Variants in ANKRD11 observed in about 807,000 individuals in gnomAD.
The protein encoded by ANKRD11 is ankyrin repeat domain-containing protein 11.
A neutral mutation model predicts 195.7 loss-of-function variants in ANKRD11; 17 were observed. The observed-to-expected ratio is 0.09, with a 90% confidence interval of 0.06 to 0.13. The LOEUF (loss-of-function observed/expected upper bound fraction) is 0.13. Among genes scored for constraint, ANKRD11 ranks in the 10% least tolerant of loss-of-function variants. The probability of loss-of-function intolerance (pLI) is 1.00; values close to 1 mark genes in which losing one functional copy is unlikely to be tolerated. For missense variants in ANKRD11, 3,735 were observed against 3,566.1 expected (o/e 1.05, Z -1.21); for synonymous variants, 1,953 against 1,528.1 (o/e 1.28, Z -6.49).
intron 2 of ANKRD11, among the ~76,000 whole-genome samples, chr16:89,317,757 T>G (rs2037053588): frequency 6.6e-6 from 1 of 152,132 alleles, no homozygotes; most frequent in Non-Finnish European, 1.5e-5. Context: ...AATTGTATAT[T>G]ATTTTTATTT....
At chr16:89,299,832 GTGCCCTGTGTGGGGTGCC>G (rs1383038176) in intron 4 of ANKRD11, 3 of 190,832 alleles carry the variant, frequency 1.6e-5, no homozygotes, top group South Asian at 4.8e-5. Flanking sequence ...CGTGGGGTCT[GTGCCCTGTGTGGGGTGCC>G]TGCCCTGTGT....
At chr16:89,374,445 C>A (rs989009174) in intron 2 of ANKRD11, among the ~76,000 whole-genome samples, 4 of 152,148 alleles carry the variant, frequency 2.6e-5, no homozygotes, top group African/African-American at 9.7e-5. Flanking sequence ...ACTGTACATC[C>A]AGAAAAGCCT....
At chr16:89,416,186 A>G (rs1394920230) in intron 2 of ANKRD11, among the ~76,000 whole-genome samples, 1 of 152,136 alleles carries the variant, frequency 6.6e-6, no homozygotes, top group Non-Finnish European at 1.5e-5. Flanking sequence ...CAGTACATCT[A>G]TTGTTCTCAA....
At chr16:89,468,243 T>C (rs1312676949) in intron 1 of ANKRD11, among the ~76,000 whole-genome samples, 1 of 152,252 alleles carries the variant, frequency 6.6e-6, no homozygotes, top group Non-Finnish European at 1.5e-5. Context: ...TAAGAGGATT[T>C]GGGTTTAAGT....
chr16:89,489,659 G>A (rs1029923615), intron 1 of ANKRD11, among the ~76,000 whole-genome samples: 4 of 151,938 alleles, frequency 2.6e-5, no homozygotes, highest in African/African-American at 2.4e-5. Flanking sequence ...CCCCAGCTCC[G>A]CAGAACCCGG....
intron 1 of ANKRD11, among the ~76,000 whole-genome samples, chr16:89,444,967 CCA>C (rs1443018336): frequency 6.6e-6 from 1 of 152,122 alleles, no homozygotes; most frequent in African/African-American, 2.4e-5. Flanking sequence ...AGGCTCCCAC[CCA>C]GACAGTGGCA....
intron 1 of ANKRD11, among the ~76,000 whole-genome samples, chr16:89,455,782 G>C (rs958022295): frequency 8.5e-5 from 13 of 152,258 alleles, no homozygotes; most frequent in African/African-American, 3.1e-4. Flanking sequence ...TATCTGGTAG[G>C]AATGTAAAAT....
At chr16:89,468,262 T>C (rs917122338) in intron 1 of ANKRD11, among the ~76,000 whole-genome samples, 3 of 152,350 alleles carry the variant, frequency 2.0e-5, no homozygotes, top group Admixed American at 6.5e-5. Context: ...GTTGTTGTAG[T>C]AGCTATGCCA....
chr16:89,326,378 G>GC (rs563979233), intron 2 of ANKRD11, among the ~76,000 whole-genome samples: 36 of 151,192 alleles, frequency 2.4e-4, no homozygotes, highest in Middle Eastern at 3.4e-3. Flanking sequence ...CGCAGCCACC[G>GC]CCCCCCCCAC....
At chr16:89,465,088 A>G (rs1254211851) in intron 1 of ANKRD11, among the ~76,000 whole-genome samples, 6 of 152,252 alleles carry the variant, frequency 3.9e-5, no homozygotes, top group Admixed American at 3.9e-4. Context: ...AATAGTTGTA[A>G]CTGGAAAACA....
At chr16:89,305,694 T>TA (rs2036162025) in intron 3 of ANKRD11, among the ~76,000 whole-genome samples, 1 of 85,972 alleles carries the variant, frequency 1.2e-5, no homozygotes, top group African/African-American at 5.0e-5. Flanking sequence ...ACGCGCCACC[T>TA]CCCACTCCGC....
chr16:89,401,313 G>A (rs898860962), intron 2 of ANKRD11, among the ~76,000 whole-genome samples: 1 of 151,984 alleles, frequency 6.6e-6, no homozygotes, highest in Admixed American at 6.6e-5. Flanking sequence ...TCCTGACCTC[G>A]TGATCCACCC....
intron 4 of ANKRD11, among the ~76,000 whole-genome samples, chr16:89,297,073 C>T (rs2035485125): frequency 6.6e-6 from 1 of 152,204 alleles, no homozygotes; most frequent in Admixed American, 6.5e-5. Context: ...AGGTCTGAAG[C>T]TGGGCTCCAA....
At chr16:89,452,131 G>A (rs373121503) in intron 1 of ANKRD11, among the ~76,000 whole-genome samples, 3 of 152,064 alleles carry the variant, frequency 2.0e-5, no homozygotes, top group East Asian at 3.9e-4. Flanking sequence ...GGTGGCACAC[G>A]CCTATAATCC....
At chr16:89,288,926 C>T (rs1281184847) in intron 6 of ANKRD11, 5 of 585,342 alleles carry the variant, frequency 8.5e-6, no homozygotes, top group African/African-American at 3.7e-5. Context: ...GGCTAATCTG[C>T]GGCAATCACC....
chr16:89,282,393 G>A lies in ANKRD11; in HGVS notation c.4149C>T (p.Gly1383=), dbSNP rs146025366. The change falls in exon 9 of 13, where the codon GGC becomes GGT. Residue 1383 remains glycine, a synonymous_variant. Coordinates refer to ENST00000301030, the MANE Select transcript of ANKRD11 (RefSeq NM_013275.6). ...KKEKGEDYKE[G]GSRKDSGQYE... ...ACTGGCCGGAGTCCTTCCTGCTACC[G>A]CCCTCCTTGTAATCTTCGCCCTTCT... 4,416 of 1,614,078 alleles carry A rather than the reference G, an allele frequency of 2.7e-3. 18 individuals are homozygous for A. The highest frequency in any genetic ancestry group is 3.3e-3 in the Non-Finnish European group (3,892 of 1,180,010).
At chr16:89,450,813 A>T (rs1458507155) in intron 1 of ANKRD11, among the ~76,000 whole-genome samples, 1 of 151,990 alleles carries the variant, frequency 6.6e-6, no homozygotes, top group African/African-American at 2.4e-5. Context: ...GACATTCTAA[A>T]TTCTATTTTG....
intron 2 of ANKRD11, among the ~76,000 whole-genome samples, chr16:89,318,671 A>G (rs1003853005): frequency 6.6e-6 from 1 of 152,218 alleles, no homozygotes; most frequent in African/African-American, 2.4e-5. Flanking sequence ...TGAGACCACA[A>G]GATGCTTCTC....
chr16:89,346,306 G>C (rs1348099480), intron 2 of ANKRD11, among the ~76,000 whole-genome samples: 2 of 150,386 alleles, frequency 1.3e-5, no homozygotes, highest in African/African-American at 4.9e-5. Context: ...CCTCAGCCAC[G>C]GAGCAGATAT....
Sources: gnomAD v4.1 joint callset for allele counts (sites outside exome capture counted in the v4.1 genomes callset) on GRCh38, gnomAD v4.1.1 for gene constraint, MANE v1.5 for transcripts, NCBI Gene and HGNC (gene_info 2026-07-23, HGNC 2026-07-21) for gene names.